ZNF385D: variants seen among roughly 807,000 people sequenced by gnomAD.
ZNF385D encodes zinc finger protein 659.
ZNF385D carries 15 observed loss-of-function variants against 35.8 expected under a neutral mutation model. The ratio of observed to expected loss-of-function variants is 0.42; its 90% confidence interval spans 0.28 to 0.64. The LOEUF is 0.64. Among genes scored for constraint, ZNF385D ranks in the 30% least tolerant of loss-of-function variants. The probability of loss-of-function intolerance (pLI) is 0.23; values close to 1 mark genes in which losing one functional copy is unlikely to be tolerated. For synonymous variants in ZNF385D, 212 were observed against 186.8 expected (o/e 1.13, Z -1.10); for missense variants, 474 against 494.6 (o/e 0.96, Z 0.39).
At chr3:22,019,035 T>A (rs904459300) in intron 3 of ZNF385D, among the ~76,000 whole-genome samples, 71 of 29,260 alleles carry the variant, frequency 2.4e-3, no homozygotes, top group South Asian at 8.2e-3. Flanking sequence ...GTTATTTACC[T>A]TTTTTTTTTT....
At chr3:21,433,938 A>T (rs1701423458) in intron 5 of ZNF385D, among the ~76,000 whole-genome samples, 1 of 152,178 alleles carries the variant, frequency 6.6e-6, no homozygotes, top group Non-Finnish European at 1.5e-5. Flanking sequence ...GTAAGTTCAT[A>T]ACAGTTCCAA....
intron 3 of ZNF385D, among the ~76,000 whole-genome samples, chr3:22,025,979 A>G (rs1189243306): frequency 6.6e-6 from 1 of 152,172 alleles, no homozygotes; most frequent in African/African-American, 2.4e-5. Context: ...CAACCATCAA[A>G]GGCAAGGTGG....
At chr3:21,747,178 C>T (rs1266635561) in intron 1 of ZNF385D, among the ~76,000 whole-genome samples, 1 of 152,032 alleles carries the variant, frequency 6.6e-6, no homozygotes, top group Non-Finnish European at 1.5e-5. Flanking sequence ...TGATCCACAA[C>T]TAACACCAAG....
intron 2 of ZNF385D, among the ~76,000 whole-genome samples, chr3:22,351,222 G>T (rs1031577793): frequency 9.9e-5 from 15 of 152,072 alleles, no homozygotes; most frequent in Non-Finnish European, 5.9e-5. Context: ...CATAAAGACA[G>T]TAATTTTAGC....
intron 3 of ZNF385D, among the ~76,000 whole-genome samples, chr3:22,154,037 T>C (rs1452119295): frequency 6.6e-6 from 1 of 152,148 alleles, no homozygotes; most frequent in Non-Finnish European, 1.5e-5. Flanking sequence ...TTTCATTTTC[T>C]TGTATCCCAA....
chr3:22,255,287 G>T (rs1315491504), intron 2 of ZNF385D, among the ~76,000 whole-genome samples: 19 of 149,282 alleles, frequency 1.3e-4, no homozygotes, highest in Admixed American at 1.3e-3. Flanking sequence ...CCCCAAAATT[G>T]TGTCCTAAAA....
chr3:21,738,142 T>C (rs2069337100), intron 1 of ZNF385D, among the ~76,000 whole-genome samples: 1 of 152,214 alleles, frequency 6.6e-6, no homozygotes, highest in African/African-American at 2.4e-5. Context: ...AGAGGAGTTT[T>C]GTTTGTGCAT....
intron 3 of ZNF385D, among the ~76,000 whole-genome samples, chr3:21,989,366 A>T (rs535714283): frequency 1.3e-5 from 2 of 152,300 alleles, no homozygotes; most frequent in East Asian, 1.9e-4. Context: ...TTATTTTCCA[A>T]ATTTGCCATT....
intron 3 of ZNF385D, among the ~76,000 whole-genome samples, chr3:22,086,825 T>C (rs550732416): frequency 1.3e-5 from 2 of 152,050 alleles, no homozygotes; most frequent in African/African-American, 2.4e-5. Context: ...GAGCAAACTA[T>C]TGCAAGGACA....
At chr3:22,196,333 C>T (rs1696410949) in intron 2 of ZNF385D, among the ~76,000 whole-genome samples, 1 of 150,604 alleles carries the variant, frequency 6.6e-6, no homozygotes, top group South Asian at 2.1e-4. Context: ...TCTTTTACTT[C>T]ATATCTTACG....
chr3:22,082,419 G>C (rs963069779), intron 3 of ZNF385D, among the ~76,000 whole-genome samples: 15 of 152,292 alleles, frequency 9.8e-5, no homozygotes, highest in African/African-American at 3.4e-4. Flanking sequence ...TGGCTCTGTG[G>C]GTCCCATGCC....
In ZNF385D at chr3:22,281,525, T is replaced by C. The variant is rs369588452; in HGVS notation, c.106+90925A>G. ...ATTTTTATTTTTAGTTCTGGTTACG[T>C]GGTATATCACATTTACTGACTTGTG... On this transcript the variant is annotated intron_variant, in intron 2 of 5. Coordinates refer to the ZNF385D transcript ENST00000494108. Among the ~76,000 whole-genome samples, 9 of 152,246 alleles carry C rather than the reference T, an allele frequency of 5.9e-5. No homozygotes were observed. In the East Asian group the frequency reaches 1.4e-3, roughly 23 times the overall value.
At chr3:21,585,723 C>T (rs2063790390) in intron 2 of ZNF385D, among the ~76,000 whole-genome samples, 1 of 152,186 alleles carries the variant, frequency 6.6e-6, no homozygotes, top group Admixed American at 6.5e-5. Context: ...CCATATACTG[C>T]ATAACACGCC....
At chr3:21,796,514 A>G (rs1305301008) in intron 3 of ZNF385D, among the ~76,000 whole-genome samples, 1 of 152,206 alleles carries the variant, frequency 6.6e-6, no homozygotes, top group East Asian at 1.9e-4. Flanking sequence ...CATCACATCA[A>G]CAAAAGCTGG....
In ZNF385D at chr3:22,212,814, G is replaced by A. The variant is rs138153417; in HGVS notation, c.107-43779C>T. On this transcript the variant is annotated intron_variant, in intron 2 of 5. Coordinates refer to the ZNF385D transcript ENST00000494108. ...AAGAACTATTTAAACTACAACATTC[G>A]CTTGTTATCTTATTTATGGCCTTTC... Among the ~76,000 whole-genome samples the A allele has an allele frequency of 1.6e-3, 239 of 151,846 alleles. 1 individual carries two copies. The highest frequency in any genetic ancestry group is 5.4e-3 in the African/African-American group (224 of 41,478).
chr3:21,574,984 A>G lies in ZNF385D; in HGVS notation c.166-10300T>C, dbSNP rs539576985. Among the ~76,000 whole-genome samples, 4 of 152,200 alleles carry G rather than the reference A, an allele frequency of 2.6e-5. No individual in the cohort carries two copies. In the South Asian group the frequency reaches 8.3e-4, roughly 32 times the overall value. Reference sequence around the variant, plus strand: ...TAAAGAGGACTATAGCTAAATACACAATGTTTCATTTTCTTAACAAACATA... The same window carrying G: ...TAAAGAGGACTATAGCTAAATACACGATGTTTCATTTTCTTAACAAACATA... On this transcript the variant is annotated intron_variant, in intron 2 of 7. Transcript: ENST00000281523.
chr3:22,318,806 GAA>G (rs773616225), intron 2 of ZNF385D, among the ~76,000 whole-genome samples: 23 of 152,188 alleles, frequency 1.5e-4, no homozygotes, highest in Non-Finnish European at 3.1e-4. Context: ...AATGTACTGT[GAA>G]AAAAGACAAT....
chr3:21,690,178 GTA>G (rs544758377), intron 1 of ZNF385D, among the ~76,000 whole-genome samples: 52 of 152,054 alleles, frequency 3.4e-4, no homozygotes, highest in East Asian at 5.8e-4. Flanking sequence ...AAATAAATCT[GTA>G]TATGTTTGTG....
intron 2 of ZNF385D, among the ~76,000 whole-genome samples, chr3:22,358,771 G>A (rs1696272048): frequency 6.6e-6 from 1 of 151,678 alleles, no homozygotes; most frequent in African/African-American, 2.4e-5. Context: ...TAAAAAGCAA[G>A]GAAAAATTTA....
Sources: allele counts gnomAD v4.1 joint callset (sites outside exome capture counted in the v4.1 genomes callset), GRCh38; gene constraint gnomAD v4.1.1; transcripts MANE v1.5; gene names NCBI Gene and HGNC (gene_info 2026-07-23, HGNC 2026-07-21).